NRG1: variants seen among roughly 807,000 people sequenced by gnomAD.
The protein encoded by NRG1 is neuregulin 1.
In NRG1, 18 loss-of-function variants were observed where a neutral mutation model predicts 63.8. The ratio of observed to expected loss-of-function variants is 0.28; its 90% CI spans 0.19 to 0.42. The LOEUF is 0.42. Among genes scored for constraint, NRG1 ranks in the 10% least tolerant of loss-of-function variants. NRG1 has a pLI of 1.00. For synonymous variants in NRG1, 302 were observed against 301.3 expected (o/e 1.00, Z -0.02); for missense variants, 762 against 814.7 (o/e 0.94, Z 0.79).
At chr8:32,226,148 T>C (rs1487585666) in intron 1 of NRG1, among the ~76,000 whole-genome samples, 4 of 152,206 alleles carry the variant, frequency 2.6e-5, no homozygotes. Context: ...AAATTATAAA[T>C]GGAACATTTG....
At chr8:32,166,183 C>A (rs1839381630) in intron 1 of NRG1, among the ~76,000 whole-genome samples, 1 of 152,066 alleles carries the variant, frequency 6.6e-6, no homozygotes, top group Non-Finnish European at 1.5e-5. Context: ...ATTTGCTATA[C>A]CCTTGTGCTA....
intron 1 of NRG1, among the ~76,000 whole-genome samples, chr8:31,939,278 T>C (rs558667271): frequency 5.3e-4 from 80 of 152,198 alleles, no homozygotes; most frequent in African/African-American, 1.7e-3. Context: ...AACAAAACAA[T>C]TATTAGCCAA....
chr8:32,091,086 T>C (rs573500883), intron 1 of NRG1, among the ~76,000 whole-genome samples: 2 of 152,118 alleles, frequency 1.3e-5, no homozygotes, highest in Non-Finnish European at 2.9e-5. Context: ...GAGACCATCC[T>C]GGCTAACACG....
At chr8:31,942,877 GA>G (rs34734344) in intron 1 of NRG1, among the ~76,000 whole-genome samples, 187 of 147,414 alleles carry the variant, frequency 1.3e-3, no homozygotes, top group African/African-American at 3.7e-3. Context: ...ATAATAAAAA[GA>G]AAAAAAAAAA....
chr8:32,490,260 G>A (rs1052841568), intron 1 of NRG1, among the ~76,000 whole-genome samples: 4 of 151,622 alleles, frequency 2.6e-5, no homozygotes, highest in Non-Finnish European at 5.9e-5. Flanking sequence ...AACTGATATC[G>A]CGCCACTGCA....
At chr8:32,407,325 ATATATATG>A (rs1814216455) in intron 1 of NRG1, among the ~76,000 whole-genome samples, 5 of 73,000 alleles carry the variant, frequency 6.8e-5, no homozygotes, top group South Asian at 5.0e-4. Flanking sequence ...TATATTATAT[ATATATATG>A]GCCAACCATA....
chr8:32,729,084 A>C (rs7012583), intron 6 of NRG1, among the ~76,000 whole-genome samples: 6,887 of 152,218 alleles, frequency 0.045, 193 homozygotes, highest in Middle Eastern at 0.092. Flanking sequence ...TAAAAAAAAT[A>C]ATAAAAATAA....
chr8:31,920,230 G>C (rs1833785045), intron 1 of NRG1, among the ~76,000 whole-genome samples: 1 of 151,968 alleles, frequency 6.6e-6, no homozygotes. Context: ...TGTGATACTT[G>C]TACTGTTAGT....
At chr8:32,499,711 T>C (rs933097817) in intron 1 of NRG1, among the ~76,000 whole-genome samples, 1 of 152,006 alleles carries the variant, frequency 6.6e-6, no homozygotes, top group Non-Finnish European at 1.5e-5. Context: ...TTGGATGAAG[T>C]GTCTTTAGAT....
chr8:32,036,549 G>A (rs1819087769), intron 1 of NRG1, among the ~76,000 whole-genome samples: 1 of 152,028 alleles, frequency 6.6e-6, no homozygotes, highest in Non-Finnish European at 1.5e-5. Flanking sequence ...TGTTCTTCCT[G>A]TTTCTTTCAG....
chr8:32,695,400 G>GAGAAA (rs750461367), intron 5 of NRG1, among the ~76,000 whole-genome samples: 15 of 151,404 alleles, frequency 9.9e-5, no homozygotes, highest in East Asian at 3.9e-4. Context: ...AGGAAGGAAG[G>GAGAAA]AGAAAAGAAA....
At chr8:32,440,424 G>C (rs1819390212) in intron 1 of NRG1, among the ~76,000 whole-genome samples, 1 of 152,098 alleles carries the variant, frequency 6.6e-6, no homozygotes, top group African/African-American at 2.4e-5. Flanking sequence ...CTCCCAAAAT[G>C]CTGGGATTAC....
chr8:32,528,491 A>G (rs1831115428), intron 1 of NRG1, among the ~76,000 whole-genome samples: 1 of 152,220 alleles, frequency 6.6e-6, no homozygotes, highest in Non-Finnish European at 1.5e-5. Context: ...TGTTGCATGT[A>G]CATATATGTA....
chr8:32,624,805 C>G (rs1848923073), intron 5 of NRG1, among the ~76,000 whole-genome samples: 1 of 152,094 alleles, frequency 6.6e-6, no homozygotes, highest in African/African-American at 2.4e-5. Context: ...GTAAAATATT[C>G]TACCTTTGAT....
At chr8:31,695,811 G>T (rs1306079985) in intron 1 of NRG1, among the ~76,000 whole-genome samples, 2 of 151,986 alleles carry the variant, frequency 1.3e-5, no homozygotes, top group African/African-American at 4.8e-5. Flanking sequence ...TCAACCATTA[G>T]CCAATAAATA....
At chr8:32,055,510 G>A (rs1225997161) in intron 1 of NRG1, among the ~76,000 whole-genome samples, 2 of 152,072 alleles carry the variant, frequency 1.3e-5, no homozygotes, top group African/African-American at 4.8e-5. Context: ...TGCTGTTTTA[G>A]AGATTACAGT....
At chr8:31,903,027 T>G (rs1198338700) in intron 1 of NRG1, among the ~76,000 whole-genome samples, 4 of 152,048 alleles carry the variant, frequency 2.6e-5, no homozygotes, top group Admixed American at 2.0e-4. Flanking sequence ...AACTACCCCA[T>G]GTAGAGAAAT....
Position 32,604,876 on chromosome 8 carries a change from T to TA in NRG1, c.279-675dup, listed in dbSNP as rs5890667. On this transcript the variant is annotated intron_variant, in intron 2 of 11. Coordinates refer to ENST00000356819, the Ensembl canonical transcript of NRG1. ...CAGCAAATCACAATGCTGCCCATGTTAAAAAAAAAAAGTGAATGTTGATGT... is the reference window on the plus strand; with the variant it reads ...CAGCAAATCACAATGCTGCCCATGTTAAAAAAAAAAAAGTGAATGTTGATGT... 1.7e-4 allele frequency among the ~76,000 whole-genome samples: 26 copies of TA among 150,252 alleles called. No individual in the cohort carries two copies. In the South Asian group the frequency reaches 3.2e-3, roughly 18 times the overall value.
chr8:32,445,923 G>C (rs1820183010), intron 1 of NRG1, among the ~76,000 whole-genome samples: 1 of 152,022 alleles, frequency 6.6e-6, no homozygotes, highest in Non-Finnish European at 1.5e-5. Context: ...TCACCGAGAA[G>C]ACTGCTTTGG....
Sources: allele counts gnomAD v4.1 joint callset (sites outside exome capture counted in the v4.1 genomes callset), GRCh38; gene constraint gnomAD v4.1.1; transcripts MANE v1.5; gene names NCBI Gene and HGNC (gene_info 2026-07-23, HGNC 2026-07-21).